TEX11: variants seen among roughly 807,000 people sequenced by gnomAD.
TEX11 encodes testis-expressed protein 11.
A neutral mutation model predicts 84.4 loss-of-function variants in TEX11; 7 were observed. The ratio of observed to expected loss-of-function variants is 0.08; its 90% confidence interval spans 0.05 to 0.16. TEX11 has a LOEUF of 0.16. Among genes scored for constraint, TEX11 ranks in the 10% least tolerant of loss-of-function variants. The probability of loss-of-function intolerance (pLI) is 1.00; values close to 1 mark genes in which losing one functional copy is unlikely to be tolerated. For missense variants in TEX11, 551 were observed against 660.5 expected, an observed-to-expected ratio of 0.83 and a Z score of 1.82; for synonymous variants, 264 against 222.8, an observed-to-expected ratio of 1.18 and a Z score of -1.64.
chrX:70,563,484 C>T (rs908591534), intron 25 of TEX11, among the ~76,000 whole-genome samples: 2 of 111,834 alleles, frequency 1.8e-5, no homozygotes, highest in Non-Finnish European at 3.8e-5. Context: ...TAAGAGGCAG[C>T]ATGGAGAGAG....
chrX:70,762,638 A>G (rs772422957), intron 9 of TEX11, among the ~76,000 whole-genome samples: 1 of 111,363 alleles, frequency 9.0e-6, no homozygotes, highest in East Asian at 2.8e-4. Context: ...TTCATCCAGA[A>G]ACCATTCCCC....
chrX:70,806,623 T>G (rs1290648176), intron 9 of TEX11, 82 bp downstream of exon 9: 7 of 656,745 alleles, frequency 1.1e-5, no homozygotes, highest in Non-Finnish European at 1.4e-5. Flanking sequence ...AGGTTTAAAC[T>G]GCCAAAGTAC....
chrX:70,858,981 T>C (rs1292603054), intron 5 of TEX11, among the ~76,000 whole-genome samples: 1 of 110,427 alleles, frequency 9.1e-6, no homozygotes, highest in African/African-American at 3.3e-5. Flanking sequence ...GGGGTTACAG[T>C]GAGCTGAGAT....
At chrX:70,747,192 C>T (rs996224110) in intron 9 of TEX11, among the ~76,000 whole-genome samples, 1 of 112,012 alleles carries the variant, frequency 8.9e-6, no homozygotes, top group Non-Finnish European at 1.9e-5. Context: ...TAAAAGCAGT[C>T]TCTAAACAAA....
chrX:70,560,052 G>A (rs1210017081), intron 25 of TEX11, among the ~76,000 whole-genome samples: 2 of 110,995 alleles, frequency 1.8e-5, no homozygotes, highest in Non-Finnish European at 3.8e-5. Flanking sequence ...GGGTGCAGCG[G>A]CTTCTCAATG....
intron 2 of TEX11, among the ~76,000 whole-genome samples, chrX:70,885,888 C>CAA (rs780384460): frequency 0.19 from 7,994 of 41,204 alleles, 690 homozygotes; most frequent in Admixed American, 0.39. Flanking sequence ...GACACTGCCA[C>CAA]AAAAAAAAAA....
chrX:70,552,071 A>G (rs1471190344), intron 28 of TEX11, 55 bp downstream of exon 28: 8 of 1,157,959 alleles, frequency 6.9e-6, no homozygotes, highest in Non-Finnish European at 5.8e-6. Flanking sequence ...ATAGTACACA[A>G]GACAGTTCAG....
intron 17 of TEX11, among the ~76,000 whole-genome samples, chrX:70,648,008 C>A (rs1351891692): frequency 3.6e-5 from 4 of 111,848 alleles, no homozygotes; most frequent in Non-Finnish European, 7.5e-5. Flanking sequence ...GACTTGGAAC[C>A]AACCCAAATG....
At chrX:70,544,502 G>GGGC (rs1422309857) in intron 28 of TEX11, among the ~76,000 whole-genome samples, 1 of 111,346 alleles carries the variant, frequency 9.0e-6, no homozygotes, top group Non-Finnish European at 1.9e-5. Context: ...ACTCCAGCCT[G>GGGC]GGTGACAGAG....
chrX:70,575,399 T>C (rs1334140724), intron 25 of TEX11, among the ~76,000 whole-genome samples: 2 of 111,995 alleles, frequency 1.8e-5, no homozygotes, highest in Non-Finnish European at 3.8e-5. Context: ...GAACCTTTAA[T>C]AGCTTATTAG....
intron 8 of TEX11, among the ~76,000 whole-genome samples, chrX:70,826,170 G>A (rs1213596241): frequency 1.8e-5 from 2 of 109,701 alleles, no homozygotes; most frequent in Non-Finnish European, 3.8e-5. Flanking sequence ...AAGTAGCTGG[G>A]CATGGTGGCT....
At chrX:70,585,116 G>A (rs990093171) in intron 25 of TEX11, among the ~76,000 whole-genome samples, 1 of 112,120 alleles carries the variant, frequency 8.9e-6, no homozygotes, top group Admixed American at 9.5e-5. Flanking sequence ...GTTCACAGAT[G>A]ACATGACCCT....
chrX:70,589,510 T>G (rs1187344483), intron 25 of TEX11, among the ~76,000 whole-genome samples: 1 of 111,318 alleles, frequency 9.0e-6, no homozygotes, highest in Non-Finnish European at 1.9e-5. Context: ...CAGTTAGCAT[T>G]CTGACATACT....
At chrX:70,843,742 G>A (rs909544593) in intron 7 of TEX11, among the ~76,000 whole-genome samples, 2 of 111,446 alleles carry the variant, frequency 1.8e-5, no homozygotes, top group African/African-American at 6.5e-5. Context: ...AATCTACAAT[G>A]AACTCAAACA....
intron 8 of TEX11, among the ~76,000 whole-genome samples, chrX:70,811,195 G>T (rs1263014964): frequency 1.9e-5 from 2 of 106,419 alleles, no homozygotes; most frequent in Non-Finnish European, 3.9e-5. Context: ...CCCACAACAG[G>T]CCCCAGCGTC....
At chrX:70,703,703 T>C in intron 13 of TEX11, among the ~76,000 whole-genome samples, 1 of 111,988 alleles carries the variant, frequency 8.9e-6, no homozygotes, top group Non-Finnish European at 1.9e-5. Flanking sequence ...ACTACAGCTA[T>C]CTCTAATTCC....
At chrX:70,544,013 T>C (rs945418060) in intron 28 of TEX11, among the ~76,000 whole-genome samples, 6 of 111,478 alleles carry the variant, frequency 5.4e-5, no homozygotes, top group Non-Finnish European at 1.1e-4. Context: ...AAAAATGTGG[T>C]ATGAAAGATA....
chrX:70,779,046 T>C (rs1172450542), intron 9 of TEX11, among the ~76,000 whole-genome samples: 1 of 110,819 alleles, frequency 9.0e-6, no homozygotes, highest in Admixed American at 9.7e-5. Flanking sequence ...CATATATATA[T>C]GTATGTACAC....
intron 8 of TEX11, among the ~76,000 whole-genome samples, chrX:70,814,939 G>A (rs1427167259): frequency 8.9e-6 from 1 of 112,354 alleles, no homozygotes; most frequent in Non-Finnish European, 1.9e-5. Flanking sequence ...TGCTCCCAGA[G>A]AATTTTATTA....
Sources: allele counts gnomAD v4.1 joint callset (sites outside exome capture counted in the v4.1 genomes callset), GRCh38; gene constraint gnomAD v4.1.1; transcripts MANE v1.5; gene names NCBI Gene and HGNC (gene_info 2026-07-23, HGNC 2026-07-21).